GMDS: variants seen among roughly 807,000 people sequenced by gnomAD.
The protein encoded by GMDS is GDP-mannose 4,6-dehydratase.
In GMDS, 20 loss-of-function variants were observed where a neutral mutation model predicts 49.9. The ratio of observed to expected loss-of-function variants is 0.40; its 90% CI spans 0.28 to 0.58. The LOEUF is 0.58. Among genes scored for constraint, GMDS ranks in the 20% least tolerant of loss-of-function variants. The probability of loss-of-function intolerance (pLI) is 0.42; values close to 1 mark genes in which losing one functional copy is unlikely to be tolerated. For synonymous variants in GMDS, 177 were observed against 178.6 expected (o/e 0.99, Z 0.07); for missense variants, 362 against 481.4 (o/e 0.75, Z 2.32).
At chr6:1,728,231 A>T (rs764047482) in intron 8 of GMDS, among the ~76,000 whole-genome samples, 7 of 152,116 alleles carry the variant, frequency 4.6e-5, no homozygotes, top group African/African-American at 7.2e-5. Context: ...CATTATTATT[A>T]TTTTTTTTAA....
chr6:1,775,579 G>A (rs1391197363), intron 7 of GMDS, among the ~76,000 whole-genome samples: 63 of 152,082 alleles, frequency 4.1e-4, no homozygotes, highest in Non-Finnish European at 2.9e-5. Context: ...GTTTAGCAGG[G>A]GTCAAAACAC....
chr6:1,963,384 G>A (rs752421667), intron 4 of GMDS, among the ~76,000 whole-genome samples: 6 of 152,160 alleles, frequency 3.9e-5, no homozygotes, highest in Non-Finnish European at 8.8e-5. Context: ...GGTGTCTTAT[G>A]AAGCACAGAA....
chr6:2,224,632 G>A (rs1024689774), intron 1 of GMDS, among the ~76,000 whole-genome samples: 2 of 152,124 alleles, frequency 1.3e-5, no homozygotes, highest in African/African-American at 4.8e-5. Context: ...TTGGTATTAT[G>A]TCTCAGAGAA....
intron 7 of GMDS, among the ~76,000 whole-genome samples, chr6:1,743,289 C>G (rs1767346343): frequency 6.6e-6 from 1 of 152,178 alleles, no homozygotes; most frequent in Admixed American, 6.5e-5. Context: ...CGCGGTGGCT[C>G]ACGCCTGTCG....
intron 7 of GMDS, among the ~76,000 whole-genome samples, chr6:1,887,199 C>A: frequency 6.6e-6 from 1 of 152,146 alleles, no homozygotes; most frequent in South Asian, 2.1e-4. Flanking sequence ...AAAAACCTTG[C>A]AAGTAGATAT....
rs1255717730 is a variant in GMDS at position 1,685,422 on chromosome 6, C to G, written c.987+40994G>C. On this transcript the variant is annotated intron_variant, in intron 9 of 10. Coordinates refer to ENST00000380815, the MANE Select transcript of GMDS (RefSeq NM_001500.4). ...AGAGGAGTATCTGGCACTGCTATTG[C>G]TCTTCTGTTTTCAATGATGCAAACA... 2.0e-5 allele frequency among the ~76,000 whole-genome samples: 3 copies of G among 152,066 alleles called. No individual in the cohort carries two copies. In the East Asian group the frequency reaches 5.8e-4, roughly 29 times the overall value.
At chr6:1,839,829 G>A (rs1392762461) in intron 7 of GMDS, among the ~76,000 whole-genome samples, 1 of 152,194 alleles carries the variant, frequency 6.6e-6, no homozygotes, top group East Asian at 1.9e-4. Flanking sequence ...GGCTGCAGCC[G>A]AGGGGACGTG....
At position 1,654,541 on chromosome 6, in the gene GMDS, C is replaced by T. The variant is rs80185807; in HGVS notation, c.988-30001G>A. Among the ~76,000 whole-genome samples, 571 of 152,230 alleles carry T rather than the reference C, an allele frequency of 3.8e-3. 3 individuals carry two copies. The highest frequency in any genetic ancestry group is 0.013 in the African/African-American group (549 of 41,534). ...GACAAATACTCCATGGTTCCACTTACGTGAAGTTCCTAGAGTAGTCAAATT... is the reference window on the plus strand; with the variant it reads ...GACAAATACTCCATGGTTCCACTTATGTGAAGTTCCTAGAGTAGTCAAATT... On this transcript the variant is annotated intron_variant, in intron 9 of 10. Transcript: ENST00000380815.
At chr6:1,938,784 T>C (rs1762667079) in intron 6 of GMDS, among the ~76,000 whole-genome samples, 1 of 152,144 alleles carries the variant, frequency 6.6e-6, no homozygotes, top group Non-Finnish European at 1.5e-5. Flanking sequence ...ATTAGACTAC[T>C]ACTTTTACTT....
chr6:1,699,567 G>A (rs995201430), intron 9 of GMDS, among the ~76,000 whole-genome samples: 41 of 152,238 alleles, frequency 2.7e-4, no homozygotes, highest in Non-Finnish European at 2.4e-4. Flanking sequence ...GCTTCTAGAG[G>A]CGCCTACACC....
intron 1 of GMDS, among the ~76,000 whole-genome samples, chr6:2,162,917 T>C (rs1777477700): frequency 6.6e-6 from 1 of 152,138 alleles, no homozygotes; most frequent in South Asian, 2.1e-4. Context: ...CATCCTTTGT[T>C]CCTTGTGGCC....
chr6:1,664,441 T>C (rs2569885), intron 9 of GMDS, among the ~76,000 whole-genome samples: 127,715 of 152,242 alleles, frequency 0.84, 55,227 homozygotes, highest in East Asian at 0.97. Context: ...TGGGAGACCG[T>C]GAGTATTCTC....
chr6:1,670,782 C>T (rs551196972), intron 9 of GMDS, among the ~76,000 whole-genome samples: 11 of 152,164 alleles, frequency 7.2e-5, no homozygotes, highest in Non-Finnish European at 1.6e-4. Context: ...TTCCATAGTT[C>T]CAAACGTTGA....
At chr6:2,074,945 AGTT>A (rs886375372) in intron 4 of GMDS, among the ~76,000 whole-genome samples, 1 of 152,184 alleles carries the variant, frequency 6.6e-6, no homozygotes, top group African/African-American at 2.4e-5. Flanking sequence ...GTCAAAAATC[AGTT>A]GTTATAAGTA....
intron 7 of GMDS, among the ~76,000 whole-genome samples, chr6:1,806,091 C>T (rs1184195698): frequency 6.6e-6 from 1 of 151,912 alleles, no homozygotes; most frequent in Non-Finnish European, 1.5e-5. Flanking sequence ...CCAGCCTGGG[C>T]AACATAGTGA....
At chr6:2,088,735 G>A (rs1324500808) in intron 4 of GMDS, among the ~76,000 whole-genome samples, 2 of 151,274 alleles carry the variant, frequency 1.3e-5, no homozygotes, top group Admixed American at 6.6e-5. Context: ...CATGCCCTAA[G>A]CATGGTTTAT....
At chr6:1,737,057 G>A (rs1353598135) in intron 8 of GMDS, among the ~76,000 whole-genome samples, 1 of 152,224 alleles carries the variant, frequency 6.6e-6, no homozygotes, top group African/African-American at 2.4e-5. Flanking sequence ...AGTGTCAAAT[G>A]AAGGGAGCAA....
chr6:2,066,823 T>C (rs1460760025), intron 4 of GMDS, among the ~76,000 whole-genome samples: 6 of 151,848 alleles, frequency 4.0e-5, no homozygotes, highest in Non-Finnish European at 4.4e-5. Flanking sequence ...TGGGAGACTT[T>C]AACACCCCAC....
chr6:1,980,741 T>A (rs1175463016), intron 4 of GMDS, among the ~76,000 whole-genome samples: 1 of 151,984 alleles, frequency 6.6e-6, no homozygotes, highest in African/African-American at 2.4e-5. Context: ...AGAAACATTC[T>A]TCTCATAGCC....
Sources: gnomAD v4.1 joint callset for allele counts (sites outside exome capture counted in the v4.1 genomes callset) on GRCh38, gnomAD v4.1.1 for gene constraint, MANE v1.5 for transcripts, NCBI Gene and HGNC (gene_info 2026-07-23, HGNC 2026-07-21) for gene names.